The following NUMA1 variants were observed in gnomAD, a reference collection of about 807,000 sequenced individuals.
NUMA1 encodes nuclear mitotic apparatus protein 1, also known as SP-H antigen.
NUMA1 carries 62 observed loss-of-function variants against 237.1 expected under a neutral mutation model. The observed-to-expected ratio is 0.26, with a 90% CI of 0.21 to 0.32. The LOEUF (loss-of-function observed/expected upper bound fraction) is 0.32, where lower values mean the gene tolerates loss of function less well. Ranked by LOEUF, NUMA1 falls within the 10% of genes least tolerant of loss-of-function variation. The pLI is 1.00. For missense variants in NUMA1, 2,533 were observed against 2,666.5 expected, an observed-to-expected ratio of 0.95 and a Z score of 1.10; for synonymous variants, 1,028 against 1,066.1, an observed-to-expected ratio of 0.96 and a Z score of 0.70.
At chr11:72,005,933 A>C (rs936475183) in intron 22 of NUMA1, 102 bp downstream of exon 22, 51 of 973,004 alleles carry the variant, frequency 5.2e-5, no homozygotes, top group African/African-American at 5.0e-4. Flanking sequence ...GGTAGCAAGG[A>C]GGCCAGCCTT....
At chr11:72,040,917 A>T (rs975189543) in intron 2 of NUMA1, 1 of 151,960 alleles carries the variant, frequency 6.6e-6, no homozygotes, top group Admixed American at 6.6e-5. Flanking sequence ...AAACCCAGAG[A>T]AAGAGTGAGG....
intron 3 of NUMA1, among the ~76,000 whole-genome samples, chr11:72,030,885 T>G (rs1940216121): frequency 2.0e-5 from 3 of 152,306 alleles, no homozygotes; most frequent in Non-Finnish European, 2.9e-5. Context: ...CAAACTTTAT[T>G]TCTCTCTGCA....
At chr11:72,006,522 A>T (rs1469173995) in intron 21 of NUMA1, among the ~76,000 whole-genome samples, 2 of 152,146 alleles carry the variant, frequency 1.3e-5, no homozygotes, top group Non-Finnish European at 2.9e-5. Flanking sequence ...GGGAATGCAG[A>T]GTGTTTATCG....
chr11:72,004,093 G>A lies in NUMA1; in HGVS notation c.6130C>T (p.Arg2044Trp), dbSNP rs199699067. 361 of 1,613,100 alleles carry A rather than the reference G, an allele frequency of 2.2e-4. 2 individuals carry two copies. Among genetic ancestry groups the A allele is most frequent in the Admixed American group, 7.4e-4 (44 of 59,786 alleles). Residue 2044 changes from arginine (R) to tryptophan (W), a missense_variant, in exon 26 of 27, where the codon CGG becomes TGG. By Grantham distance (101) the Arg-to-Trp change is moderately radical. Around this residue, in one of 3 missense-constraint regions of NUMA1, gnomAD observed 795 missense variants for 750.8 expected, o/e 1.06. Coordinates refer to ENST00000393695, the MANE Select transcript of NUMA1 (RefSeq NM_006185.4). ...AAPASTKQAD[R>W]RQSMAFSILN... is the part of the protein sequence containing the mutation. Reference sequence around the variant, plus strand: ...ATGCTGAAGGCCATCGACTGGCGCCGGTCAGCCTGCAAGGAAGGGCTGTCA... The same window carrying A: ...ATGCTGAAGGCCATCGACTGGCGCCAGTCAGCCTGCAAGGAAGGGCTGTCA...
At chr11:72,038,886 T>C (rs1398077094) in intron 2 of NUMA1, among the ~76,000 whole-genome samples, 1 of 151,588 alleles carries the variant, frequency 6.6e-6, no homozygotes, top group Non-Finnish European at 1.5e-5. Context: ...AGAAAGAAAT[T>C]CCCCCAGAAT....
At chr11:72,021,748 C>T (rs563813183) in intron 7 of NUMA1, among the ~76,000 whole-genome samples, 1 of 152,316 alleles carries the variant, frequency 6.6e-6, no homozygotes, top group East Asian at 1.9e-4. Flanking sequence ...GAACTACAGA[C>T]ACACACTGCC....
chr11:72,072,540 A>C (rs535431174), intron 1 of NUMA1, among the ~76,000 whole-genome samples: 2 of 152,172 alleles, frequency 1.3e-5, no homozygotes, highest in Non-Finnish European at 2.9e-5. Flanking sequence ...CACAGCTGCC[A>C]ACAGAGGCCT....
rs1319167434 is a variant in NUMA1, at chr11:72,009,302, T to C, written c.4805A>G (p.Gln1602Arg). The C allele has an allele frequency of 6.2e-7, 1 of 1,613,512 alleles. No homozygotes were observed. Among genetic ancestry groups the C allele is most frequent in the East Asian group, 2.2e-5 (1 of 44,890 alleles). The change falls in exon 18 of 27, where the codon CAG becomes CGG. Residue 1602 changes from glutamine (Q) to arginine (R), a missense_variant. This residue lies in a region of NUMA1 where 795 missense variants were observed against 750.8 expected (regional missense o/e 1.06). Coordinates refer to ENST00000393695, the MANE Select transcript of NUMA1 (RefSeq NM_006185.4). Reference sequence around the variant, plus strand: ...ATAGTGCTCAGCTGCCTGCTCCTTCTGGCTCAACTGGGCTTGCAGTTCATT... The same window carrying C: ...ATAGTGCTCAGCTGCCTGCTCCTTCCGGCTCAACTGGGCTTGCAGTTCATT... ...QLNELQAQLS[Q>R]KEQAAEHYKL...
chr11:72,003,831 G>T lies in NUMA1; in HGVS notation c.6336+56C>A, dbSNP rs528983774. The T allele has an allele frequency of 3.2e-6, 5 of 1,561,838 alleles. No individual in the cohort carries two copies. The African/African-American group carries it at 5.4e-5, about 17-fold the overall frequency. On this transcript the variant is annotated intron_variant, in intron 26 of 26. Transcript: ENST00000393695. ...TGGATGCTACTTGGTGGGGCGGTCT[G>T]GGGGGTGCCCATGCTCTCATCGGGT...
chr11:72,022,470 G>A, intron 6 of NUMA1, 51 bp from the exon 7 acceptor site: 1 of 1,328,482 alleles, frequency 7.5e-7, no homozygotes, highest in Non-Finnish European at 1.1e-6. Context: ...TCTCTTCTCA[G>A]TGCCCCCATT....
chr11:72,073,518 C>A (rs574027601), intron 1 of NUMA1, among the ~76,000 whole-genome samples: 141 of 152,228 alleles, frequency 9.3e-4, no homozygotes, highest in South Asian at 7.7e-3. Flanking sequence ...GGCAAAGGGT[C>A]TAGAAGTATA....
intron 2 of NUMA1, among the ~76,000 whole-genome samples, chr11:72,045,203 C>T (rs577490902): frequency 1.3e-5 from 2 of 151,326 alleles, no homozygotes; most frequent in South Asian, 2.1e-4. Flanking sequence ...TTTACAAATT[C>T]AACTTTCTGG....
chr11:72,010,599 C>T (rs1956084427), intron 17 of NUMA1, among the ~76,000 whole-genome samples, 187 bp downstream of exon 17: 1 of 152,236 alleles, frequency 6.6e-6, no homozygotes, highest in Non-Finnish European at 1.5e-5. Context: ...ATGGGAACCA[C>T]CCTGGTTGTC....
Position 72,026,631 on chromosome 11 carries a change from T to C in NUMA1, c.129-2278A>G, listed in dbSNP as rs141709781. ...GTGGCCAAGCAGTTAAACCCTCAAC[T>C]CCCACAGCTTATTTTTTTTTTAATT... On this transcript the variant is annotated intron_variant, in intron 4 of 26. Transcript: ENST00000393695. Among the ~76,000 whole-genome samples the C allele has an allele frequency of 2.8e-4, 42 of 152,184 alleles. No individual in the cohort carries two copies. The East Asian group carries it at 7.9e-3, about 29-fold the overall frequency.
At position 72,014,824 on chromosome 11, in the gene NUMA1, G is replaced by C; in HGVS notation, c.2679C>G (p.Val893=). 6.2e-7 allele frequency: 1 copy of C among 1,614,196 alleles called. No individual in the cohort carries two copies. The highest frequency in any genetic ancestry group is 1.1e-5 in the South Asian group (1 of 91,082). The change falls in exon 15 of 27, where the codon GTC becomes GTG. Residue 893 remains valine (V), a synonymous_variant. Coordinates refer to ENST00000393695, the MANE Select transcript of NUMA1 (RefSeq NM_006185.4). This position sits in a 1 kb window ranked among gnomAD's most constrained non-coding sequence, Gnocchi z 4.6. ...GGTCATCTGCAAGCTTCTGGGCCCT[G>C]ACTTCCTTCTCTTGGACCTGCTGGA... The part of the protein sequence containing the change: ...RALQQVQEKE[V]RAQKLADDLS...
At chr11:72,003,646 C>T in intron 26 of NUMA1, 108 bp from the exon 27 acceptor site, 4 of 1,417,046 alleles carry the variant, frequency 2.8e-6, no homozygotes, top group Non-Finnish European at 3.0e-6. Flanking sequence ...GGATCCCCTC[C>T]CTTGTGAGCC....
At chr11:72,021,383 G>A (rs746291455) in intron 7 of NUMA1, 92 bp from the exon 8 acceptor site, 107 of 1,135,982 alleles carry the variant, frequency 9.4e-5, no homozygotes, top group Admixed American at 1.3e-4. Context: ...GCCAGTCCCC[G>A]GCTCCCTCAT....
chr11:72,039,562 C>A (rs1941427206), intron 2 of NUMA1, among the ~76,000 whole-genome samples: 1 of 152,186 alleles, frequency 6.6e-6, no homozygotes, highest in Non-Finnish European at 1.5e-5. Context: ...CTCCCACTCC[C>A]AGAATTTCAG....
chr11:72,056,553 C>T (rs2136100673), intron 2 of NUMA1, among the ~76,000 whole-genome samples: 1 of 149,514 alleles, frequency 6.7e-6, no homozygotes, highest in Non-Finnish European at 1.5e-5. Flanking sequence ...AACTCCTCAC[C>T]TTGTGATCCG....
Sources: allele counts gnomAD v4.1 joint callset (sites outside exome capture counted in the v4.1 genomes callset), GRCh38; gene constraint gnomAD v4.1.1; regional missense constraint gnomAD v4.1.1; non-coding constraint Gnocchi (gnomAD v3.1); transcripts MANE v1.5; gene names NCBI Gene and HGNC (gene_info 2026-07-23, HGNC 2026-07-21).